POTEE: variants seen among roughly 807,000 people sequenced by gnomAD.
The protein encoded by POTEE is POTE ankyrin domain family member E, also known as ANKRD26-like family C member 1A.
A neutral mutation model predicts 74.2 loss-of-function variants in POTEE; 21 were observed. The ratio of observed to expected loss-of-function variants is 0.28; its 90% confidence interval spans 0.20 to 0.41. The LOEUF (loss-of-function observed/expected upper bound fraction) is 0.41. Ranked by LOEUF, POTEE falls within the 10% of genes least tolerant of loss-of-function variation. POTEE has a pLI of 1.00. For missense variants in POTEE, 525 were observed against 1,158.6 expected (o/e 0.45, Z 7.94); for synonymous variants, 211 against 432.8 (o/e 0.49, Z 6.36).
chr2:131,237,921 G>GT (rs1217727334), intron 10 of POTEE, among the ~76,000 whole-genome samples: 2 of 151,374 alleles, frequency 1.3e-5, no homozygotes, highest in African/African-American at 2.5e-5. Context: ...GCTGGTTCAC[G>GT]TTTTTTTTCT....
intron 4 of POTEE, among the ~76,000 whole-genome samples, chr2:131,221,086 A>G (rs565739387): frequency 1.3e-5 from 2 of 152,358 alleles, no homozygotes; most frequent in South Asian, 2.1e-4. Context: ...TTTTCAAACA[A>G]ACACTTTAGT....
At chr2:131,212,269 T>G (rs1304778535) in intron 2 of POTEE, among the ~76,000 whole-genome samples, 3 of 151,936 alleles carry the variant, frequency 2.0e-5, no homozygotes, top group South Asian at 2.1e-4. Context: ...ATTGGAATGG[T>G]AAGCATGAGG....
chr2:131,262,731 A>G (rs1452440444), intron 17 of POTEE, among the ~76,000 whole-genome samples: 6 of 152,260 alleles, frequency 3.9e-5, no homozygotes, highest in African/African-American at 7.2e-5. Context: ...TAGAAGAGCA[A>G]TGCCTAGATA....
At position 131,263,904 on chromosome 2, in the gene POTEE, G is replaced by A. The variant is rs1390475550; in HGVS notation, c.2449G>A (p.Glu817Lys). Reference protein sequence around the residue: ...EAPLNPKANREKMTQIMFETF... With the variant: ...EAPLNPKANRKKMTQIMFETF... ...CCCCCTGAACCCCAAGGCCAACCGC[G>A]AGAAGATGACCCAGATCATGTTTGA... The change falls in exon 18 of 18, where the codon GAG (glutamate) becomes AAG (lysine). Residue 817 changes from glutamate (E) to lysine (K), a missense_variant. By Grantham distance (56) the Glu-to-Lys change is moderately conservative (BLOSUM62 1). Transcript: ENST00000683005. The A allele has an allele frequency of 7.4e-6, 12 of 1,614,162 alleles. No individual in the cohort carries two copies. The highest frequency in any genetic ancestry group is 2.2e-5 in the East Asian group (1 of 44,866).
At chr2:131,210,109 A>T (rs1467293218) in intron 1 of POTEE, among the ~76,000 whole-genome samples, 2 of 134,912 alleles carry the variant, frequency 1.5e-5, no homozygotes, top group Non-Finnish European at 3.1e-5. Flanking sequence ...CGGGGCAGGG[A>T]GTGGTTTGGG....
At chr2:131,237,750 A>G (rs1477895595) in intron 10 of POTEE, among the ~76,000 whole-genome samples, 2 of 152,258 alleles carry the variant, frequency 1.3e-5, no homozygotes, top group Non-Finnish European at 2.9e-5. Flanking sequence ...AAAGCACTTC[A>G]GTGCACTGTA....
At chr2:131,224,286 G>T (rs1198815004) in intron 6 of POTEE, among the ~76,000 whole-genome samples, 1 of 148,128 alleles carries the variant, frequency 6.8e-6, no homozygotes, top group Non-Finnish European at 1.5e-5. Context: ...CACTGAATTT[G>T]TAAAAGATAA....
intron 4 of POTEE, among the ~76,000 whole-genome samples, chr2:131,220,974 G>GA (rs1200075899): frequency 9.3e-4 from 108 of 116,280 alleles, no homozygotes; most frequent in African/African-American, 1.5e-3. Context: ...AAAAAAAAAA[G>GA]AAAAAAAAAA....
chr2:131,251,343 T>C (rs1394552034), intron 14 of POTEE, among the ~76,000 whole-genome samples: 954 of 12,878 alleles, frequency 0.074, 44 homozygotes, highest in African/African-American at 0.13. Context: ...GAAGAATCAA[T>C]AGATTCTAAT....
At chr2:131,212,779 G>A (rs1052922918) in intron 2 of POTEE, among the ~76,000 whole-genome samples, 7 of 149,402 alleles carry the variant, frequency 4.7e-5, no homozygotes, top group Non-Finnish European at 7.4e-5. Flanking sequence ...GGTCAGGCTG[G>A]TCTTGAACTC....
chr2:131,221,160 C>T (rs1166699667), intron 4 of POTEE, among the ~76,000 whole-genome samples: 1 of 152,046 alleles, frequency 6.6e-6, no homozygotes, highest in Non-Finnish European at 1.5e-5. Context: ...ACTGAAATAT[C>T]TTTACCAAAT....
At chr2:131,258,668 C>G (rs1238578090) in intron 16 of POTEE, among the ~76,000 whole-genome samples, 1 of 142,348 alleles carries the variant, frequency 7.0e-6, no homozygotes, top group East Asian at 2.1e-4. Context: ...AGAAAATTTA[C>G]GAGATCATTT....
chr2:131,222,923 C>G (rs924849302), intron 4 of POTEE, among the ~76,000 whole-genome samples: 1 of 151,824 alleles, frequency 6.6e-6, no homozygotes, highest in African/African-American at 2.4e-5. Flanking sequence ...ATGTAAGACA[C>G]CAGGGATTGT....
At chr2:131,262,284 CA>C (rs1701727920) in intron 17 of POTEE, among the ~76,000 whole-genome samples, 1 of 127,194 alleles carries the variant, frequency 7.9e-6, no homozygotes, top group African/African-American at 2.7e-5. Flanking sequence ...CTTACTTTTG[CA>C]GAGAGGAACA....
chr2:131,222,883 C>T (rs1700666649), intron 4 of POTEE, among the ~76,000 whole-genome samples: 3 of 151,786 alleles, frequency 2.0e-5, no homozygotes, highest in African/African-American at 7.3e-5. Flanking sequence ...ACTGGAACCG[C>T]CCCGGACCTG....
At chr2:131,253,827 A>AT (rs1701507566) in intron 16 of POTEE, among the ~76,000 whole-genome samples, 1 of 138,474 alleles carries the variant, frequency 7.2e-6, no homozygotes, top group Non-Finnish European at 1.5e-5. Flanking sequence ...GACATTTATT[A>AT]TAGTATTATG....
rs1390112737 is a variant in POTEE, at chr2:131,228,142, A to C, written c.918-102A>C. ...ATGCTTATGTCTTTTAGTGCATGTAAATGTTTGATTCTGCACAGACAGGCA... is the reference window on the plus strand; with the variant it reads ...ATGCTTATGTCTTTTAGTGCATGTACATGTTTGATTCTGCACAGACAGGCA... On this transcript the variant is annotated intron_variant, in intron 7 of 17. Coordinates refer to ENST00000683005, the MANE Select transcript of POTEE (RefSeq NM_001083538.3). 1.2e-5 allele frequency: 18 copies of C among 1,484,660 alleles called. No individual in the cohort carries two copies. The Admixed American group carries it at 1.7e-4, about 14-fold the overall frequency. 92.0% of individuals were successfully genotyped at this position (1,484,660 alleles called of 1,614,324 possible). A position where few individuals can be genotyped will look rare whatever the true frequency, so the allele number is the denominator to read the frequency against.
intron 1 of POTEE, among the ~76,000 whole-genome samples, chr2:131,210,454 C>T (rs540931333): frequency 7.5e-4 from 113 of 151,494 alleles, no homozygotes; most frequent in Non-Finnish European, 9.6e-4. Context: ...GGCTATACTG[C>T]CAGTGGTGTT....
intron 2 of POTEE, among the ~76,000 whole-genome samples, chr2:131,215,726 G>GT (rs984684864): frequency 2.2e-4 from 29 of 134,272 alleles, no homozygotes; most frequent in East Asian, 1.8e-3. Flanking sequence ...GCATTGATAG[G>GT]TTTTTTTTTA....
Sources: gnomAD v4.1 joint callset for allele counts (sites outside exome capture counted in the v4.1 genomes callset) on GRCh38, gnomAD v4.1.1 for gene constraint, MANE v1.5 for transcripts, NCBI Gene and HGNC (gene_info 2026-07-23, HGNC 2026-07-21) for gene names.